Variants in MYO6 observed in about 807,000 individuals in gnomAD.
MYO6 encodes the protein myosin VI, also known as unconventional myosin-VI.
A neutral mutation model predicts 178.7 loss-of-function variants in MYO6; 74 were observed. The ratio of observed to expected loss-of-function variants is 0.41; its 90% CI spans 0.34 to 0.50. The LOEUF is 0.50. MYO6 is among the 20% of genes least tolerant of loss of function. MYO6 has a pLI of 0.09. For missense variants in MYO6, 1,330 were observed against 1,547.4 expected (o/e 0.86, Z 2.36); for synonymous variants, 477 against 504.6 (o/e 0.95, Z 0.73).
intron 1 of MYO6, among the ~76,000 whole-genome samples, chr6:75,750,719 C>T (rs1776811775): frequency 6.6e-6 from 1 of 151,706 alleles, no homozygotes; most frequent in Non-Finnish European, 1.5e-5. Flanking sequence ...GCTGGGACTA[C>T]AGTAAGGGCG....
chr6:75,847,030 G>T (rs910162451), intron 10 of MYO6, among the ~76,000 whole-genome samples: 1 of 152,088 alleles, frequency 6.6e-6, no homozygotes, highest in Non-Finnish European at 1.5e-5. Context: ...AATGTCTTTA[G>T]GTTGTGTGTA....
At chr6:75,890,328 A>G (rs1778806366) in intron 26 of MYO6, 63 bp downstream of exon 26, 4 of 1,601,482 alleles carry the variant, frequency 2.5e-6, no homozygotes, top group South Asian at 1.1e-5. Context: ...TGGTATTGAC[A>G]GTGGTTAATG....
chr6:75,750,553 T>C (rs1413948526), intron 1 of MYO6, among the ~76,000 whole-genome samples: 4 of 151,216 alleles, frequency 2.6e-5, no homozygotes, highest in Non-Finnish European at 5.9e-5. Flanking sequence ...TTTTTAATGC[T>C]CTGGTGGTAT....
At chr6:75,866,784 C>A in intron 17 of MYO6, 148 bp from the exon 18 acceptor site, 1 of 1,027,078 alleles carries the variant, frequency 9.7e-7, no homozygotes, top group Non-Finnish European at 1.5e-6. Flanking sequence ...TTCAGGTGCC[C>A]AGTGTCCACA....
chr6:75,907,937 A>C lies in MYO6; in HGVS notation c.3280+229A>C, dbSNP rs544205105. On this transcript the variant is annotated intron_variant, in intron 31 of 34. Transcript: ENST00000369977. Reference sequence around the variant, plus strand: ...CTATTTTTCTTCCCACAGAACAATTAGAGTAAAATACTATATCCAGAGGAT... The same window carrying C: ...CTATTTTTCTTCCCACAGAACAATTCGAGTAAAATACTATATCCAGAGGAT... Among the ~76,000 whole-genome samples the C allele has an allele frequency of 9.5e-4, 144 of 152,306 alleles. 2 individuals carry two copies. In the Middle Eastern group the frequency reaches 0.01, roughly 11 times the overall value.
chr6:75,892,842 G>T (rs999337984), intron 28 of MYO6, 152 bp downstream of exon 28: 84 of 795,802 alleles, frequency 1.1e-4, no homozygotes, highest in Non-Finnish European at 1.6e-4. Context: ...TATTTGTATC[G>T]ACTTTCATAC....
intron 19 of MYO6, among the ~76,000 whole-genome samples, chr6:75,872,348 G>A (rs1777223606): frequency 6.6e-6 from 1 of 152,098 alleles, no homozygotes; most frequent in African/African-American, 2.4e-5. Context: ...CCAAATGAAT[G>A]CCTTTAAGCT....
At chr6:75,750,625 T>G (rs1776800204) in intron 1 of MYO6, among the ~76,000 whole-genome samples, 1 of 151,876 alleles carries the variant, frequency 6.6e-6, no homozygotes, top group African/African-American at 2.4e-5. Flanking sequence ...TTTTTTTTTT[T>G]TGAGACAGAG....
chr6:75,855,028 C>T (rs1223388366), intron 11 of MYO6, 111 bp from the exon 12 acceptor site: 5 of 951,150 alleles, frequency 5.3e-6, no homozygotes, highest in Non-Finnish European at 1.6e-6. Flanking sequence ...TACAAATAAG[C>T]CTTGCCTATT....
chr6:75,859,775 T>C (rs1044751224), intron 14 of MYO6, among the ~76,000 whole-genome samples: 4 of 151,196 alleles, frequency 2.6e-5, no homozygotes, highest in African/African-American at 9.7e-5. Context: ...TTCTCCTGCC[T>C]CAGCCTCCTG....
At chr6:75,858,553 C>T (rs1204098344) in intron 13 of MYO6, among the ~76,000 whole-genome samples, 1 of 152,090 alleles carries the variant, frequency 6.6e-6, no homozygotes, top group African/African-American at 2.4e-5. Context: ...TGCAGTGAGC[C>T]AAGATTGTAG....
intron 1 of MYO6, among the ~76,000 whole-genome samples, chr6:75,772,519 CAAAAA>C (rs1765996057): frequency 6.6e-6 from 1 of 152,032 alleles, no homozygotes; most frequent in Admixed American, 6.6e-5. Flanking sequence ...ACCTTACTGA[CAAAAA>C]GAAATAGTGA....
intron 1 of MYO6, among the ~76,000 whole-genome samples, chr6:75,805,556 G>C (rs1215514727): frequency 6.6e-6 from 1 of 152,172 alleles, no homozygotes; most frequent in Non-Finnish European, 1.5e-5. Flanking sequence ...TGACACAGAA[G>C]AAATGAAAAA....
intron 1 of MYO6, among the ~76,000 whole-genome samples, chr6:75,769,793 G>T (rs1370286741): frequency 6.6e-6 from 1 of 152,318 alleles, no homozygotes; most frequent in African/African-American, 2.4e-5. Flanking sequence ...CCAGCTACTT[G>T]GGAGGCTGAG....
At chr6:75,900,957 G>T (rs1262331961) in intron 30 of MYO6, among the ~76,000 whole-genome samples, 9 of 150,466 alleles carry the variant, frequency 6.0e-5, no homozygotes, top group African/African-American at 9.8e-5. Context: ...CATATGACTA[G>T]CCAGTTTTCC....
In MYO6 at chr6:75,914,269, C is replaced by G. The variant is rs876657908; in HGVS notation, c.3646C>G (p.Leu1216Val). 10 of 1,614,104 alleles carry G rather than the reference C, an allele frequency of 6.2e-6. No individual in the cohort carries two copies. Among genetic ancestry groups the G allele is most frequent in the Non-Finnish European group, 8.5e-6 (10 of 1,179,974 alleles). The change falls in exon 34 of 35, where the codon CTA (leucine) becomes GTA (valine). Residue 1216 changes from leucine to valine, a missense_variant. Coordinates refer to ENST00000369977, the MANE Select transcript of MYO6 (RefSeq NM_004999.4). ...ACTCCATCCTGACAAGCCACCCATC[C>G]TACTTGTGGCTGGTGTGTATGATTC... The part of the protein sequence containing the change: ...MELHPDKPPI[L>V]LVAGKDDMEM...
intron 2 of MYO6, among the ~76,000 whole-genome samples, chr6:75,818,234 C>CA (rs933359880): frequency 6.6e-6 from 1 of 152,014 alleles, no homozygotes; most frequent in Admixed American, 6.6e-5. Context: ...GACAGCATTA[C>CA]AAAATGAAAG....
chr6:75,843,187 G>A (rs765866306), intron 9 of MYO6, among the ~76,000 whole-genome samples: 11 of 152,142 alleles, frequency 7.2e-5, no homozygotes, highest in Non-Finnish European at 1.5e-4. Flanking sequence ...GGTTATAATT[G>A]AGAGATCAGG....
chr6:75,828,465 T>A, intron 3 of MYO6, 75 bp from the exon 4 acceptor site: 1 of 907,480 alleles, frequency 1.1e-6, no homozygotes, highest in Non-Finnish European at 1.8e-6. Context: ...TCAAAGTGAT[T>A]CAGATTAAGA....
Sources: allele counts gnomAD v4.1 joint callset (sites outside exome capture counted in the v4.1 genomes callset), GRCh38; gene constraint gnomAD v4.1.1; transcripts MANE v1.5; gene names NCBI Gene and HGNC (gene_info 2026-07-23, HGNC 2026-07-21).